Variants in SPATS2 observed in about 807,000 individuals in gnomAD.
The protein encoded by SPATS2 is spermatogenesis associated serine rich 2.
In SPATS2, 38 loss-of-function variants were observed where a neutral mutation model predicts 63.7. The ratio of observed to expected loss-of-function variants is 0.60; its 90% CI spans 0.46 to 0.78. SPATS2 has a LOEUF of 0.78. Ranked by LOEUF, SPATS2 falls within the 30% of genes least tolerant of loss-of-function variation. SPATS2 has a pLI of 0.00. For missense variants in SPATS2, 588 were observed against 666.2 expected, an observed-to-expected ratio of 0.88 and a Z score of 1.29; for synonymous variants, 207 against 232.9, an observed-to-expected ratio of 0.89 and a Z score of 1.01.
At chr12:49,425,775 G>C (rs1264916571) in intron 2 of SPATS2, among the ~76,000 whole-genome samples, 1 of 152,056 alleles carries the variant, frequency 6.6e-6, no homozygotes, top group South Asian at 2.1e-4. Context: ...GATTACAGGC[G>C]CATGCCACCA....
At chr12:49,394,994 A>G (rs1944483837) in intron 2 of SPATS2, among the ~76,000 whole-genome samples, 1 of 151,516 alleles carries the variant, frequency 6.6e-6, no homozygotes, top group African/African-American at 2.4e-5. Context: ...AATCCCTTGA[A>G]CCCAGGAGGC....
At chr12:49,399,782 A>G (rs1944573532) in intron 2 of SPATS2, among the ~76,000 whole-genome samples, 1 of 152,152 alleles carries the variant, frequency 6.6e-6, no homozygotes, top group Non-Finnish European at 1.5e-5. Context: ...TCATGCCTGT[A>G]ATCCCAGCAC....
Position 49,489,694 on chromosome 12 carries a change from T to C in SPATS2, c.214+121T>C, listed in dbSNP as rs901021623. 4.6e-5 allele frequency: 33 copies of C among 719,786 alleles called. No individual in the cohort carries two copies. The Admixed American group carries it at 9.1e-4, about 20-fold the overall frequency. 44.6% of individuals were successfully genotyped at this position (719,786 alleles called of 1,614,324 possible). A position where few individuals can be genotyped will look rare whatever the true frequency, so the allele number is the denominator to read the frequency against. On this transcript the variant is annotated intron_variant, in intron 5 of 13. Coordinates refer to ENST00000552918, the MANE Select transcript of SPATS2 (RefSeq NM_023071.4). ...TGATAGAGCAGACCCCATGAAAACA[T>C]AACATACCATGACATTTGACGATAC... is the stretch of plus-strand genomic sequence containing the variant.
intron 2 of SPATS2, among the ~76,000 whole-genome samples, chr12:49,432,168 A>G (rs965697579): frequency 2.6e-5 from 4 of 152,152 alleles, no homozygotes; most frequent in African/African-American, 9.7e-5. Context: ...GATTTTTGCA[A>G]AAATGATGAT....
intron 2 of SPATS2, chr12:49,454,349 C>G (rs1412775822): frequency 2.6e-5 from 4 of 152,302 alleles, no homozygotes; most frequent in Non-Finnish European, 5.9e-5. Flanking sequence ...CAGAAGAGAA[C>G]ACACATCATA....
At chr12:49,506,436 G>A (rs970582220) in intron 9 of SPATS2, among the ~76,000 whole-genome samples, 1 of 152,152 alleles carries the variant, frequency 6.6e-6, no homozygotes, top group Non-Finnish European at 1.5e-5. Flanking sequence ...GCTTGTGCAA[G>A]GGAACTCTCA....
At chr12:49,430,477 G>A (rs1257501521) in intron 2 of SPATS2, among the ~76,000 whole-genome samples, 1 of 151,926 alleles carries the variant, frequency 6.6e-6, no homozygotes, top group Non-Finnish European at 1.5e-5. Flanking sequence ...GAGAATTCCT[G>A]GTGACTTTCT....
intron 2 of SPATS2, among the ~76,000 whole-genome samples, chr12:49,424,165 T>A (rs1395698262): frequency 3.3e-5 from 5 of 152,122 alleles, no homozygotes; most frequent in Non-Finnish European, 5.9e-5. Flanking sequence ...ATCCTGCCAC[T>A]GCACTCCAGC....
At chr12:49,456,682 G>C (rs1057221102) in intron 2 of SPATS2, among the ~76,000 whole-genome samples, 2 of 152,192 alleles carry the variant, frequency 1.3e-5, no homozygotes, top group African/African-American at 4.8e-5. Context: ...AAGTGGTCCA[G>C]CTCTGGATGT....
chr12:49,410,298 A>G (rs770350284), intron 2 of SPATS2, among the ~76,000 whole-genome samples: 5 of 151,688 alleles, frequency 3.3e-5, no homozygotes, highest in Non-Finnish European at 5.9e-5. Flanking sequence ...CTGGTCTCGA[A>G]CTCCTGACCT....
At chr12:49,388,672 A>G (rs1321733252) in intron 2 of SPATS2, among the ~76,000 whole-genome samples, 1 of 148,888 alleles carries the variant, frequency 6.7e-6, no homozygotes, top group East Asian at 2.0e-4. Context: ...CACCATGCCT[A>G]GCCTTGAACC....
chr12:49,413,411 G>A (rs1401899260), intron 2 of SPATS2, among the ~76,000 whole-genome samples: 1 of 151,778 alleles, frequency 6.6e-6, no homozygotes, highest in African/African-American at 2.4e-5. Context: ...TCCCCGTAGA[G>A]ACAGGGTCTT....
intron 4 of SPATS2, among the ~76,000 whole-genome samples, chr12:49,486,567 G>C (rs1203867204): frequency 1.3e-5 from 2 of 152,114 alleles, no homozygotes; most frequent in African/African-American, 2.4e-5. Flanking sequence ...ATACTAAGTT[G>C]CTCATCTCAA....
chr12:49,461,817 C>A (rs1447394673), intron 3 of SPATS2, among the ~76,000 whole-genome samples: 1 of 152,112 alleles, frequency 6.6e-6, no homozygotes, highest in Non-Finnish European at 1.5e-5. Context: ...AGTAAATAAA[C>A]CAGATTTGTA....
intron 2 of SPATS2, among the ~76,000 whole-genome samples, chr12:49,384,593 CAGTG>C (rs1333555631): frequency 2.0e-5 from 3 of 152,132 alleles, no homozygotes; most frequent in African/African-American, 4.8e-5. Context: ...TTTTTGATAA[CAGTG>C]AGATCATACA....
intron 2 of SPATS2, among the ~76,000 whole-genome samples, chr12:49,425,631 A>G (rs1043629547): frequency 6.2e-5 from 9 of 146,168 alleles, no homozygotes; most frequent in South Asian, 2.2e-4. Context: ...TGTAAGTGTT[A>G]ATATTTCTGT....
intron 3 of SPATS2, chr12:49,462,281 G>C: frequency 1.4e-6 from 1 of 702,350 alleles, no homozygotes; most frequent in Non-Finnish European, 2.6e-6. Context: ...ACAGGAAGGA[G>C]AGCGCGAGTG....
chr12:49,483,161 AG>A (rs1422080703), intron 3 of SPATS2, among the ~76,000 whole-genome samples: 1 of 147,292 alleles, frequency 6.8e-6, no homozygotes, highest in East Asian at 2.0e-4. Context: ...AAACAGAGCT[AG>A]ATAAGAGGCT....
chr12:49,436,057 T>C (rs77649480), intron 2 of SPATS2, among the ~76,000 whole-genome samples: 9,176 of 150,566 alleles, frequency 0.061, 304 homozygotes, highest in Non-Finnish European at 0.073. Context: ...TACACAGACA[T>C]GGCAACCATC....
Sources: gnomAD v4.1 joint callset for allele counts (sites outside exome capture counted in the v4.1 genomes callset) on GRCh38, gnomAD v4.1.1 for gene constraint, MANE v1.5 for transcripts, NCBI Gene and HGNC (gene_info 2026-07-23, HGNC 2026-07-21) for gene names.